The following GRIK3 variants were observed in gnomAD, a reference collection of about 807,000 sequenced individuals.
GRIK3 encodes glutamate receptor ionotropic, kainate 3.
Under a neutral mutation model 102.5 loss-of-function variants are expected in GRIK3, and 29 were observed. The ratio of observed to expected loss-of-function variants is 0.28; its 90% confidence interval spans 0.21 to 0.39. GRIK3 has a LOEUF of 0.39. Among genes scored for constraint, GRIK3 ranks in the 10% least tolerant of loss-of-function variants. The pLI, the probability that GRIK3 is intolerant of heterozygous loss-of-function variation, is 1.00. For synonymous variants in GRIK3, 511 were observed against 504.9 expected, an observed-to-expected ratio of 1.01 and a Z score of -0.16; for missense variants, 908 against 1,252.4, an observed-to-expected ratio of 0.73 and a Z score of 4.15.
chr1:37,007,678 G>T (rs145439058), intron 1 of GRIK3, among the ~76,000 whole-genome samples: 2 of 152,182 alleles, frequency 1.3e-5, no homozygotes, highest in East Asian at 3.8e-4. Flanking sequence ...CTTTTGAGGC[G>T]TTTTCCCAGC....
intron 1 of GRIK3, among the ~76,000 whole-genome samples, chr1:37,017,065 A>G (rs1017983536): frequency 6.6e-6 from 1 of 151,936 alleles, no homozygotes; most frequent in Non-Finnish European, 1.5e-5. Flanking sequence ...AAGTACAAAA[A>G]TTAGCTGGGT....
chr1:36,868,201 C>T (rs1249903193), intron 5 of GRIK3, among the ~76,000 whole-genome samples: 4 of 152,176 alleles, frequency 2.6e-5, no homozygotes, highest in African/African-American at 9.7e-5. Context: ...CAGTCTTGCT[C>T]CTCTGCCCTG....
intron 2 of GRIK3, among the ~76,000 whole-genome samples, chr1:36,890,462 TAA>T (rs767944137): frequency 5.1e-5 from 7 of 136,040 alleles, no homozygotes; most frequent in Non-Finnish European, 4.8e-5. Flanking sequence ...AGACTCTGTC[TAA>T]AAAAAAAAAA....
At chr1:36,853,891 C>T (rs561636887) in intron 7 of GRIK3, among the ~76,000 whole-genome samples, 169 bp from the exon 8 acceptor site, 2 of 152,248 alleles carry the variant, frequency 1.3e-5, no homozygotes, top group East Asian at 3.9e-4. Context: ...TGTGAGCCAG[C>T]GATTTCCATA....
chr1:36,903,499 C>T (rs1020361826), intron 1 of GRIK3, among the ~76,000 whole-genome samples: 1 of 152,250 alleles, frequency 6.6e-6, no homozygotes, highest in African/African-American at 2.4e-5. Context: ...AATATGTCCA[C>T]ACAAAAGCCT....
At chr1:36,802,654 G>A (rs1000803289) in intron 15 of GRIK3, among the ~76,000 whole-genome samples, 1 of 152,228 alleles carries the variant, frequency 6.6e-6, no homozygotes, top group East Asian at 1.9e-4. Flanking sequence ...ACATAGCCAA[G>A]AGGAACATCA....
At chr1:36,960,377 T>C (rs369979526) in intron 1 of GRIK3, among the ~76,000 whole-genome samples, 3 of 152,322 alleles carry the variant, frequency 2.0e-5, no homozygotes, top group African/African-American at 7.2e-5. Flanking sequence ...CCTGTAAGCC[T>C]GTGTGGTCTG....
In GRIK3 at chr1:36,796,664, C is replaced by T. The variant is rs979148705; in HGVS notation, c.*5187G>A. The T allele has an allele frequency of 6.6e-6, 1 of 152,256 alleles. No homozygotes were observed. Among genetic ancestry groups the T allele is most frequent in the Non-Finnish European group, 1.5e-5 (1 of 68,066 alleles). 9.4% of individuals were successfully genotyped at this position (152,256 alleles called of 1,614,324 possible). A position where few individuals can be genotyped will look rare whatever the true frequency, so the allele number is the denominator to read the frequency against. On this transcript the variant is annotated 3_prime_UTR_variant, in exon 16 of 16. Transcript: ENST00000373091. ...GCTGGCCATGCCCTGGGGGCATTCT[C>T]TTTAACAAGTGCTTTCCCTAGTTGT...
At chr1:36,851,540 T>G (rs1267316854) in intron 8 of GRIK3, among the ~76,000 whole-genome samples, 1 of 152,242 alleles carries the variant, frequency 6.6e-6, no homozygotes, top group Non-Finnish European at 1.5e-5. Context: ...AGGAGGTGCT[T>G]GGCAAACATC....
chr1:36,801,817 G>GC lies in GRIK3; in HGVS notation c.*33dup. ...AATCTCCTTTGCTTTCCTCTGCCCA[G>GC]CCCCCAGGCCTGAGGTCCCCACCCC... On this transcript the variant is annotated 3_prime_UTR_variant, in exon 16 of 16. Transcript: ENST00000373091. 6.5e-7 allele frequency: 1 copy of GC among 1,539,392 alleles called. No individual in the cohort carries two copies. The highest frequency in any genetic ancestry group is 8.8e-7 in the Non-Finnish European group (1 of 1,136,414).
chr1:36,806,351 G>C lies in GRIK3; in HGVS notation c.2092-25C>G. ...TCTGGGCCGTGAGGGAAGGGGTGAT[G>C]CACACACCGTTACTAGGCGCACCAG... On this transcript the variant is annotated intron_variant, in intron 13 of 15. Coordinates refer to ENST00000373091, the MANE Select transcript of GRIK3 (RefSeq NM_000831.4). The surrounding 1 kb of genome is among the most constrained non-coding windows in gnomAD (Gnocchi z 4.0). 6.7e-7 allele frequency: 1 copy of C among 1,494,602 alleles called. No homozygotes were observed. The highest frequency in any genetic ancestry group is 9.3e-7 in the Non-Finnish European group (1 of 1,075,480). 92.6% of individuals were successfully genotyped at this position (1,494,602 alleles called of 1,614,324 possible).
chr1:36,986,794 T>C (rs1642311653), intron 1 of GRIK3, among the ~76,000 whole-genome samples: 1 of 152,080 alleles, frequency 6.6e-6, no homozygotes, highest in Admixed American at 6.5e-5. Context: ...CCAGCCAGAG[T>C]TGTGGGGGAG....
At chr1:36,901,300 T>C (rs887184708) in intron 1 of GRIK3, among the ~76,000 whole-genome samples, 2 of 152,122 alleles carry the variant, frequency 1.3e-5, no homozygotes, top group South Asian at 2.1e-4. Flanking sequence ...AGTTAGCAAA[T>C]TGAATCCAAT....
intron 1 of GRIK3, among the ~76,000 whole-genome samples, chr1:36,974,406 A>G (rs72923847): frequency 0.022 from 3,353 of 152,320 alleles, 105 homozygotes; most frequent in African/African-American, 0.075. Context: ...TATAAACAGC[A>G]CAGATAATAG....
intron 1 of GRIK3, among the ~76,000 whole-genome samples, chr1:36,969,487 C>G (rs2124356017): frequency 6.6e-6 from 1 of 152,346 alleles, no homozygotes; most frequent in African/African-American, 2.4e-5. Context: ...TTTATCCATT[C>G]ATTCAACATT....
intron 1 of GRIK3, among the ~76,000 whole-genome samples, chr1:36,961,218 T>C (rs140470601): frequency 1.3e-5 from 2 of 152,304 alleles, no homozygotes; most frequent in Admixed American, 6.5e-5. Flanking sequence ...CTCAGCCGCC[T>C]GCCCTCAAGC....
intron 1 of GRIK3, among the ~76,000 whole-genome samples, chr1:36,913,033 G>A (rs1422124571): frequency 6.6e-6 from 1 of 152,166 alleles, no homozygotes; most frequent in African/African-American, 2.4e-5. Flanking sequence ...GCAGGGATCC[G>A]CTATTAGTAG....
chr1:37,030,948 A>G (rs949870200), intron 1 of GRIK3, among the ~76,000 whole-genome samples: 2 of 152,170 alleles, frequency 1.3e-5, no homozygotes, highest in African/African-American at 4.8e-5. Context: ...CAGATGCAGC[A>G]GAAAACCCAG....
rs532508312 is a variant in GRIK3 at position 36,889,229 on chromosome 1, G to A, written c.292+1691C>T. ...TTAGGGGAGGGTCTCCCTGAGGACT[G>A]GAAGTTTGAGAAGAGAAGGATGAGT... On this transcript the variant is annotated intron_variant, in intron 2 of 15. Coordinates refer to ENST00000373091, the MANE Select transcript of GRIK3 (RefSeq NM_000831.4). Among the ~76,000 whole-genome samples the A allele has an allele frequency of 7.6e-4, 116 of 151,928 alleles. 1 individual carries two copies. The highest frequency in any genetic ancestry group is 2.6e-3 in the African/African-American group (107 of 41,454).
Sources: allele counts gnomAD v4.1 joint callset (sites outside exome capture counted in the v4.1 genomes callset), GRCh38; gene constraint gnomAD v4.1.1; non-coding constraint Gnocchi (gnomAD v3.1); transcripts MANE v1.5; gene names NCBI Gene and HGNC (gene_info 2026-07-23, HGNC 2026-07-21).